GALNT17: variants seen among roughly 807,000 people sequenced by gnomAD.
GALNT17 encodes the protein polypeptide N-acetylgalactosaminyltransferase 17.
In GALNT17, 29 loss-of-function variants were observed where a neutral mutation model predicts 63.7. The observed-to-expected ratio is 0.46, with a 90% CI of 0.34 to 0.62. The LOEUF (loss-of-function observed/expected upper bound fraction) is 0.62, where lower values mean the gene tolerates loss of function less well. Among genes scored for constraint, GALNT17 ranks in the 20% least tolerant of loss-of-function variants. The pLI is 0.01. For synonymous variants in GALNT17, 305 were observed against 318.3 expected, an observed-to-expected ratio of 0.96 and a Z score of 0.45; for missense variants, 603 against 799.6, an observed-to-expected ratio of 0.75 and a Z score of 2.97.
At chr7:71,207,364 T>C (rs1356988759) in intron 1 of GALNT17, among the ~76,000 whole-genome samples, 2 of 152,214 alleles carry the variant, frequency 1.3e-5, no homozygotes, top group African/African-American at 4.8e-5. Context: ...TTTATTATTA[T>C]TGCATTACCA....
chr7:71,468,991 T>C (rs1234181020), intron 5 of GALNT17, among the ~76,000 whole-genome samples: 1 of 152,162 alleles, frequency 6.6e-6, no homozygotes, highest in Non-Finnish European at 1.5e-5. Context: ...ATCACATCCT[T>C]AAACTGATGA....
At chr7:71,689,130 T>C (rs1791405228) in intron 9 of GALNT17, among the ~76,000 whole-genome samples, 1 of 152,110 alleles carries the variant, frequency 6.6e-6, no homozygotes, top group Non-Finnish European at 1.5e-5. Flanking sequence ...AAATGTTGTG[T>C]GTGTTTGACG....
intron 6 of GALNT17, among the ~76,000 whole-genome samples, chr7:71,626,459 A>C (rs986491555): frequency 3.9e-5 from 6 of 152,206 alleles, no homozygotes; most frequent in Non-Finnish European, 8.8e-5. Flanking sequence ...CAGCCCTAGC[A>C]GACTATACAC....
intron 5 of GALNT17, among the ~76,000 whole-genome samples, chr7:71,455,375 G>C (rs144034140): frequency 2.0e-5 from 3 of 152,242 alleles, no homozygotes; most frequent in Admixed American, 2.0e-4. Context: ...GTCATGGCTG[G>C]AAACTCAGTT....
chr7:71,433,390 T>G (rs1786903455), intron 5 of GALNT17, among the ~76,000 whole-genome samples: 1 of 152,206 alleles, frequency 6.6e-6, no homozygotes, highest in East Asian at 1.9e-4. Context: ...TGACTGATAA[T>G]GAAGATGGGG....
intron 6 of GALNT17, among the ~76,000 whole-genome samples, chr7:71,650,721 C>G (rs17143779): frequency 0.058 from 8,849 of 152,210 alleles, 844 homozygotes; most frequent in African/African-American, 0.2. Flanking sequence ...AGGCAAAATG[C>G]AAAGAAATGA....
chr7:71,152,740 C>T (rs919789062), intron 1 of GALNT17, among the ~76,000 whole-genome samples: 1 of 152,076 alleles, frequency 6.6e-6, no homozygotes, highest in South Asian at 2.1e-4. Context: ...TCAAGTGATT[C>T]TCCTGCCTCA....
chr7:71,153,464 G>A lies in GALNT17; in HGVS notation c.238+20424G>A, dbSNP rs146407962. 3.9e-5 allele frequency among the ~76,000 whole-genome samples: 6 copies of A among 152,284 alleles called. No homozygotes were observed. In the East Asian group the frequency reaches 1.2e-3, roughly 29 times the overall value. The stretch of plus-strand genomic sequence containing the variant: ...AAGATAGGAAGGGTGTTCAGGTTCT[G>A]TAATTTTATGGATCAGAAAGGTAGA... On this transcript the variant is annotated intron_variant, in intron 1 of 10. Coordinates refer to ENST00000333538, the MANE Select transcript of GALNT17 (RefSeq NM_022479.3).
At chr7:71,146,895 G>A (rs960639390) in intron 1 of GALNT17, among the ~76,000 whole-genome samples, 24 of 152,172 alleles carry the variant, frequency 1.6e-4, no homozygotes, top group African/African-American at 5.1e-4. Context: ...ACAGTTAATG[G>A]GGAACAGGGT....
chr7:71,247,456 ACTTTTTTTTT>A (rs1057454638), intron 1 of GALNT17, among the ~76,000 whole-genome samples: 1 of 151,798 alleles, frequency 6.6e-6, no homozygotes, highest in Non-Finnish European at 1.5e-5. Context: ...CTAATAGTCT[ACTTTTTTTTT>A]CTTTTTTGAG....
chr7:71,359,430 A>G (rs1792355840), intron 2 of GALNT17, among the ~76,000 whole-genome samples: 1 of 152,154 alleles, frequency 6.6e-6, no homozygotes, highest in African/African-American at 2.4e-5. Flanking sequence ...CACAGAGTAG[A>G]GAACCCACTA....
intron 1 of GALNT17, among the ~76,000 whole-genome samples, chr7:71,321,405 CA>C (rs1194519717): frequency 1.3e-5 from 2 of 152,146 alleles, no homozygotes; most frequent in African/African-American, 4.8e-5. Flanking sequence ...TCTCCTCACA[CA>C]GGGGGATATT....
At chr7:71,487,744 C>G (rs1211505988) in intron 5 of GALNT17, among the ~76,000 whole-genome samples, 1 of 152,176 alleles carries the variant, frequency 6.6e-6, no homozygotes, top group Non-Finnish European at 1.5e-5. Context: ...CCCACAGTTA[C>G]TTTTGCACCA....
intron 1 of GALNT17, among the ~76,000 whole-genome samples, chr7:71,308,217 G>A (rs1791343406): frequency 1.3e-5 from 2 of 152,132 alleles, no homozygotes; most frequent in South Asian, 4.1e-4. Context: ...AGCCTTGAAG[G>A]ATATTTGCAG....
chr7:71,620,420 T>G (rs1790273470), intron 6 of GALNT17, among the ~76,000 whole-genome samples: 1 of 152,282 alleles, frequency 6.6e-6, no homozygotes, highest in African/African-American at 2.4e-5. Flanking sequence ...GAGGTTACCA[T>G]GAGCTATGAT....
At chr7:71,669,922 G>T (rs1261081542) in intron 7 of GALNT17, 50 bp from the exon 8 acceptor site, 3 of 1,606,824 alleles carry the variant, frequency 1.9e-6, no homozygotes, top group Admixed American at 3.4e-5. Context: ...GCCCCACTCT[G>T]GCCAGAGCTC....
At chr7:71,556,706 C>T (rs1179399134) in intron 5 of GALNT17, among the ~76,000 whole-genome samples, 1 of 151,748 alleles carries the variant, frequency 6.6e-6, no homozygotes, top group African/African-American at 2.4e-5. Context: ...ACTACAAGCT[C>T]GAGCCACCAC....
At chr7:71,646,823 T>C (rs910733273) in intron 6 of GALNT17, among the ~76,000 whole-genome samples, 3 of 147,712 alleles carry the variant, frequency 2.0e-5, no homozygotes, top group African/African-American at 7.5e-5. Flanking sequence ...CTCAGCTCAC[T>C]GCAAGTTCTG....
chr7:71,430,106 C>T (rs1216718461), intron 5 of GALNT17, among the ~76,000 whole-genome samples: 1 of 152,046 alleles, frequency 6.6e-6, no homozygotes. Flanking sequence ...CTTATTCTCC[C>T]AAAGCACTGG....
Sources: allele counts gnomAD v4.1 joint callset (sites outside exome capture counted in the v4.1 genomes callset), GRCh38; gene constraint gnomAD v4.1.1; transcripts MANE v1.5; gene names NCBI Gene and HGNC (gene_info 2026-07-23, HGNC 2026-07-21).